LIN54: variants seen among roughly 807,000 people sequenced by gnomAD.
The protein encoded by LIN54 is lin-54 DREAM MuvB core complex component.
In LIN54, 9 loss-of-function variants were observed where a neutral mutation model predicts 78.7. The ratio of observed to expected loss-of-function variants is 0.11; its 90% confidence interval spans 0.07 to 0.20. LIN54 has a LOEUF of 0.20. Ranked by LOEUF, LIN54 falls within the 10% of genes least tolerant of loss-of-function variation. The pLI is 1.00. For missense variants in LIN54, 573 were observed against 889.9 expected, an observed-to-expected ratio of 0.64 and a Z score of 4.53; for synonymous variants, 269 against 318.4, an observed-to-expected ratio of 0.84 and a Z score of 1.65.
At chr4:83,000,779 T>G (rs1307473716) in intron 1 of LIN54, among the ~76,000 whole-genome samples, 2 of 150,744 alleles carry the variant, frequency 1.3e-5, no homozygotes, top group African/African-American at 4.9e-5. Flanking sequence ...GATGCCATCA[T>G]TGTTATAGAC....
rs551989350 is a variant in LIN54, at chr4:83,002,418, G to A, written c.-33+8066C>T. ...AAGGAAGGAAGGAGGGAAGGAAGGA[G>A]GGATAGAAAGGAGGGAGGGAGGGAG... On this transcript the variant is annotated intron_variant, in intron 1 of 12. Transcript: ENST00000340417. Among the ~76,000 whole-genome samples the A allele has an allele frequency of 1.8e-4, 27 of 147,096 alleles. No homozygotes were observed. In the South Asian group the frequency reaches 6.0e-3, roughly 33 times the overall value.
chr4:82,950,917 G>C (rs1723795135), intron 4 of LIN54, among the ~76,000 whole-genome samples: 1 of 152,078 alleles, frequency 6.6e-6, no homozygotes, highest in Non-Finnish European at 1.5e-5. Context: ...CTTTTACTTG[G>C]TGATTTTGAT....
intron 1 of LIN54, among the ~76,000 whole-genome samples, chr4:82,997,394 C>T (rs577172521): frequency 1.2e-4 from 19 of 152,252 alleles, no homozygotes; most frequent in African/African-American, 4.6e-4. Flanking sequence ...TCTGCAATTA[C>T]ATTCCATCTT....
At position 82,972,230 on chromosome 4, in the gene LIN54, T is replaced by A. The variant is rs561901497; in HGVS notation, c.809-1761A>T. Among the ~76,000 whole-genome samples, 23 of 152,156 alleles carry A rather than the reference T, an allele frequency of 1.5e-4. No homozygotes were observed. The South Asian group carries it at 2.7e-3, about 18-fold the overall frequency. On this transcript the variant is annotated intron_variant, in intron 3 of 12. Coordinates refer to ENST00000340417, the MANE Select transcript of LIN54 (RefSeq NM_194282.4). ...CCACCATGCTTAGCTATTTTTTTTTTATTTTTTTTAGACAATGGAGTTTTG... is the reference window on the plus strand; with the variant it reads ...CCACCATGCTTAGCTATTTTTTTTTAATTTTTTTTAGACAATGGAGTTTTG...
At chr4:82,947,215 A>G (rs1302614612) in intron 4 of LIN54, among the ~76,000 whole-genome samples, 1 of 8,330 alleles carries the variant, frequency 1.2e-4, no homozygotes, top group South Asian at 4.8e-3. Flanking sequence ...ATTTATATAT[A>G]TATATATATA....
chr4:82,998,091 T>C (rs1379146016), intron 1 of LIN54, among the ~76,000 whole-genome samples: 1 of 149,810 alleles, frequency 6.7e-6, no homozygotes, highest in East Asian at 1.9e-4. Flanking sequence ...AAATGACATA[T>C]CTGCTTTTAC....
chr4:82,979,966 A>AAAAAAAAAAAAAAG (rs1726497562), intron 2 of LIN54, among the ~76,000 whole-genome samples: 1 of 142,272 alleles, frequency 7.0e-6, no homozygotes, highest in Non-Finnish European at 1.5e-5. Context: ...AAAAAAAAAA[A>AAAAAAAAAAAAAAG]TACTGGGTCT....
intron 1 of LIN54, among the ~76,000 whole-genome samples, chr4:82,991,298 T>C (rs1252028637): frequency 6.6e-6 from 1 of 152,234 alleles, no homozygotes; most frequent in Non-Finnish European, 1.5e-5. Flanking sequence ...TCATGTTTTT[T>C]GATGCTGTTA....
At chr4:82,949,870 G>A (rs928373655) in intron 4 of LIN54, among the ~76,000 whole-genome samples, 4 of 126,582 alleles carry the variant, frequency 3.2e-5, no homozygotes, top group Non-Finnish European at 4.9e-5. Context: ...TTTCCAGATG[G>A]AGTCTCACTC....
chr4:82,960,922 G>A (rs923897069), intron 4 of LIN54, among the ~76,000 whole-genome samples: 2 of 152,098 alleles, frequency 1.3e-5, no homozygotes, highest in African/African-American at 4.8e-5. Flanking sequence ...TTAGCTGGGT[G>A]TGAGGCATGT....
At chr4:82,929,249 C>T (rs1318302796) in intron 12 of LIN54, among the ~76,000 whole-genome samples, 1 of 151,994 alleles carries the variant, frequency 6.6e-6, no homozygotes, top group Non-Finnish European at 1.5e-5. Flanking sequence ...TTTTTTTATA[C>T]AAGTTTTTAA....
rs59841779 is a variant in LIN54, at chr4:82,955,759, C to CAAA, written c.952-9288_952-9286dup. Among the ~76,000 whole-genome samples, 6 of 146,750 alleles carry CAAA rather than the reference C, an allele frequency of 4.1e-5. 1 individual carries two copies. Among genetic ancestry groups the CAAA allele is most frequent in the African/African-American group, 1.5e-4 (6 of 40,032 alleles). On this transcript the variant is annotated intron_variant, in intron 4 of 12. Coordinates refer to ENST00000340417, the MANE Select transcript of LIN54 (RefSeq NM_194282.4). ...ACACAGCAAGACCCCTATCTCATTA[C>CAAA]AAAAAAAAAAAATTAAAAGACTGTG...
intron 1 of LIN54, among the ~76,000 whole-genome samples, chr4:83,002,839 A>G (rs1560798334): frequency 6.6e-6 from 1 of 152,240 alleles, no homozygotes; most frequent in Non-Finnish European, 1.5e-5. Flanking sequence ...GCTTCTGGTC[A>G]ACAATAGGCT....
intron 1 of LIN54, among the ~76,000 whole-genome samples, chr4:82,997,764 G>A (rs928890337): frequency 6.6e-6 from 1 of 151,034 alleles, no homozygotes; most frequent in African/African-American, 2.5e-5. Flanking sequence ...AGGCCAAGGA[G>A]GGCGGATCAC....
chr4:82,996,718 T>C (rs532492827), intron 1 of LIN54, among the ~76,000 whole-genome samples: 31 of 152,154 alleles, frequency 2.0e-4, no homozygotes, highest in Non-Finnish European at 4.1e-4. Context: ...CCAATATTTT[T>C]AGTTCATAAA....
At chr4:82,968,297 T>C (rs1487198808) in intron 4 of LIN54, among the ~76,000 whole-genome samples, 1 of 152,042 alleles carries the variant, frequency 6.6e-6, no homozygotes, top group Non-Finnish European at 1.5e-5. Context: ...TAGTTAAGTG[T>C]AAAATCTTGC....
intron 2 of LIN54, among the ~76,000 whole-genome samples, chr4:82,979,944 A>C (rs1346006532): frequency 1.1e-5 from 1 of 89,620 alleles, no homozygotes; most frequent in Non-Finnish European, 2.6e-5. Context: ...TGTCTCAAAA[A>C]AAAAAAAAAA....
At chr4:82,974,673 G>T (rs1351716704) in intron 3 of LIN54, among the ~76,000 whole-genome samples, 1 of 151,970 alleles carries the variant, frequency 6.6e-6, no homozygotes, top group Non-Finnish European at 1.5e-5. Flanking sequence ...GAAGGCAGAG[G>T]TTGCAGTGAG....
chr4:83,008,883 A>G (rs1729631351), intron 1 of LIN54, among the ~76,000 whole-genome samples: 1 of 152,152 alleles, frequency 6.6e-6, no homozygotes, highest in African/African-American at 2.4e-5. Flanking sequence ...TGTGATTAAA[A>G]GAAAGCCAAT....
Sources: allele counts gnomAD v4.1 joint callset (sites outside exome capture counted in the v4.1 genomes callset), GRCh38; gene constraint gnomAD v4.1.1; transcripts MANE v1.5; gene names NCBI Gene and HGNC (gene_info 2026-07-23, HGNC 2026-07-21).